GRXCR2: variants seen among roughly 807,000 people sequenced by gnomAD.
GRXCR2 encodes glutaredoxin and cysteine rich domain containing 2.
In GRXCR2, 23 loss-of-function variants were observed where a neutral mutation model predicts 24.8. The observed-to-expected ratio is 0.93, with a 90% CI of 0.67 to 1.32. The LOEUF (loss-of-function observed/expected upper bound fraction) is 1.32. Ranked by LOEUF, GRXCR2 falls within the 40% of genes most tolerant of loss-of-function variation. The pLI is 0.00. For missense variants in GRXCR2, 315 were observed against 303.4 expected (o/e 1.04, Z -0.28); for synonymous variants, 130 against 116.1 (o/e 1.12, Z -0.77).
At chr5:145,877,980 A>G (rs1235135877), upstream of GRXCR2, among the ~76,000 whole-genome samples, 1 of 152,258 alleles carries the variant, frequency 6.6e-6, no homozygotes, top group Non-Finnish European at 1.5e-5. Context: ...AAACTAACAA[A>G]CAGAAAGAAA....
At chr5:145,929,589 T>C (rs748733489) in intron 2 of GRXCR2, among the ~76,000 whole-genome samples, 5 of 152,112 alleles carry the variant, frequency 3.3e-5, no homozygotes, top group Non-Finnish European at 7.4e-5. Context: ...AGAATACAGT[T>C]ACAGTTTTAC....
At chr5:145,872,347 A>G (rs1756545216) in intron 1 of GRXCR2, among the ~76,000 whole-genome samples, 1 of 152,210 alleles carries the variant, frequency 6.6e-6, no homozygotes, top group Admixed American at 6.5e-5. Flanking sequence ...CCTCTATTTA[A>G]TTTACATTCC....
At position 145,865,557 on chromosome 5, in the gene GRXCR2, C is replaced by T. The variant is rs74655795; in HGVS notation, c.564+944G>A. On this transcript the variant is annotated intron_variant, in intron 2 of 2. Coordinates refer to ENST00000377976, the MANE Select transcript of GRXCR2 (RefSeq NM_001080516.2). Reference sequence around the variant, plus strand: ...TAATAAACTTGTGGACACTGACAGCCATATTAGGTCAGGCAGTCACTAGAC... The same window carrying T: ...TAATAAACTTGTGGACACTGACAGCTATATTAGGTCAGGCAGTCACTAGAC... Among the ~76,000 whole-genome samples the T allele has an allele frequency of 1.0e-2, 1,518 of 152,266 alleles. 36 individuals are homozygous for T. The highest frequency in any genetic ancestry group is 0.034 in the African/African-American group (1,413 of 41,544).
At chr5:145,920,109 C>A (rs2149928453) in intron 2 of GRXCR2, among the ~76,000 whole-genome samples, 1 of 152,210 alleles carries the variant, frequency 6.6e-6, no homozygotes, top group South Asian at 2.1e-4. Context: ...GAAAATCAAG[C>A]AATTATTGAT....
chr5:145,873,825 T>C (rs1245929446), upstream of GRXCR2, among the ~76,000 whole-genome samples: 1 of 152,230 alleles, frequency 6.6e-6, no homozygotes, highest in Non-Finnish European at 1.5e-5. Flanking sequence ...CGTAAATGCC[T>C]GACACTGAAC....
At chr5:145,867,382 C>A (rs370046793) in intron 1 of GRXCR2, among the ~76,000 whole-genome samples, 1 of 152,276 alleles carries the variant, frequency 6.6e-6, no homozygotes, top group South Asian at 2.1e-4. Context: ...CTATATCACA[C>A]TATTTAAAAG....
chr5:145,927,669 G>A (rs1380749239), intron 2 of GRXCR2, among the ~76,000 whole-genome samples: 13 of 152,102 alleles, frequency 8.5e-5, no homozygotes, highest in Non-Finnish European at 2.9e-5. Context: ...ATGTTCATCA[G>A]GGATATTGGT....
chr5:145,927,815 G>A (rs1466096004), intron 2 of GRXCR2, among the ~76,000 whole-genome samples: 2 of 152,064 alleles, frequency 1.3e-5, no homozygotes, highest in Non-Finnish European at 2.9e-5. Flanking sequence ...GAAAACCTAG[G>A]CAATAACATT....
intron 2 of GRXCR2, among the ~76,000 whole-genome samples, chr5:145,918,863 C>A (rs1757280074): frequency 6.6e-6 from 1 of 152,192 alleles, no homozygotes; most frequent in Non-Finnish European, 1.5e-5. Flanking sequence ...TACCTTCGTG[C>A]CTGGGACCTC....
chr5:145,914,592 C>T (rs981801588), intron 2 of GRXCR2, among the ~76,000 whole-genome samples: 2 of 146,334 alleles, frequency 1.4e-5, no homozygotes, highest in African/African-American at 5.1e-5. Flanking sequence ...AGGAGAATCA[C>T]TTGAACCCTG....
intron 2 of GRXCR2, among the ~76,000 whole-genome samples, chr5:145,924,807 G>T (rs1365449361): frequency 6.6e-6 from 1 of 152,138 alleles, no homozygotes; most frequent in Non-Finnish European, 1.5e-5. Context: ...TTCTAGCACA[G>T]TAGCCAATCC....
intron 2 of GRXCR2, among the ~76,000 whole-genome samples, chr5:145,915,524 C>T (rs570452655): frequency 3.3e-5 from 5 of 152,252 alleles, no homozygotes; most frequent in South Asian, 2.1e-4. Context: ...GTGGCTCACA[C>T]CTGTAATCCT....
At chr5:145,926,751 G>T (rs1304552030) in intron 2 of GRXCR2, among the ~76,000 whole-genome samples, 1 of 152,044 alleles carries the variant, frequency 6.6e-6, no homozygotes, top group Admixed American at 6.6e-5. Context: ...GTAGTTTTTA[G>T]CAATTCTGTG....
intron 2 of GRXCR2, among the ~76,000 whole-genome samples, chr5:145,891,120 G>A (rs192672728): frequency 6.6e-6 from 1 of 152,246 alleles, no homozygotes; most frequent in East Asian, 1.9e-4. Flanking sequence ...CATAAAACAA[G>A]TACTTCCAGA....
At chr5:145,870,137 T>G (rs993300749) in intron 1 of GRXCR2, among the ~76,000 whole-genome samples, 1 of 152,206 alleles carries the variant, frequency 6.6e-6, no homozygotes, top group African/African-American at 2.4e-5. Flanking sequence ...TGACATTAAG[T>G]GCATTCACAT....
chr5:145,894,068 A>G (rs887423453), intron 2 of GRXCR2, among the ~76,000 whole-genome samples: 30 of 152,328 alleles, frequency 2.0e-4, no homozygotes, highest in African/African-American at 6.7e-4. Flanking sequence ...AGAAATAAAG[A>G]TGTTCTTTGA....
intron 2 of GRXCR2, among the ~76,000 whole-genome samples, chr5:145,891,088 C>A (rs186763857): frequency 1.6e-3 from 247 of 152,212 alleles, no homozygotes; most frequent in Non-Finnish European, 2.9e-3. Context: ...ATATACACAC[C>A]CAACATTAGA....
At chr5:145,889,172 A>AAAAGAAAGAAAGAAG (rs1756821340) in intron 2 of GRXCR2, among the ~76,000 whole-genome samples, 29 of 84,048 alleles carry the variant, frequency 3.5e-4, no homozygotes, top group Admixed American at 1.1e-3. Context: ...CTGTCTCAAA[A>AAAAGAAAGAAAGAAG]AAAGAAAGAA....
intron 2 of GRXCR2, among the ~76,000 whole-genome samples, chr5:145,900,958 C>T (rs1175458822): frequency 6.6e-6 from 1 of 152,028 alleles, no homozygotes; most frequent in African/African-American, 2.4e-5. Flanking sequence ...CACTATGCAG[C>T]CATAAAAAAG....
Sources: gnomAD v4.1 joint callset for allele counts (sites outside exome capture counted in the v4.1 genomes callset) on GRCh38, gnomAD v4.1.1 for gene constraint, MANE v1.5 for transcripts, NCBI Gene and HGNC (gene_info 2026-07-23, HGNC 2026-07-21) for gene names.